PREX2: variants seen among roughly 807,000 people sequenced by gnomAD.
PREX2 encodes the protein phosphatidylinositol 3,4,5-trisphosphate-dependent Rac exchanger 2 protein.
In PREX2, 107 loss-of-function variants were observed where a neutral mutation model predicts 203.2. The ratio of observed to expected loss-of-function variants is 0.53; its 90% CI spans 0.45 to 0.62. PREX2 has a LOEUF of 0.62. Ranked by LOEUF, PREX2 falls within the 20% of genes least tolerant of loss-of-function variation. The pLI is 0.00. For missense variants in PREX2, 1,777 were observed against 1,955.9 expected, an observed-to-expected ratio of 0.91 and a Z score of 1.72; for synonymous variants, 672 against 663.6, an observed-to-expected ratio of 1.01 and a Z score of -0.19.
chr8:68,067,888 C>T (rs755497690), intron 11 of PREX2, among the ~76,000 whole-genome samples: 37 of 152,106 alleles, frequency 2.4e-4, no homozygotes, highest in Admixed American at 1.8e-3. Flanking sequence ...TGCATTTTGT[C>T]TATGCCAAAT....
chr8:68,182,524 A>G (rs747890815), intron 35 of PREX2, among the ~76,000 whole-genome samples: 9 of 152,262 alleles, frequency 5.9e-5, no homozygotes, highest in Non-Finnish European at 1.2e-4. Context: ...CTGCATATAA[A>G]GAATCCTCTT....
rs963216538 is a variant in PREX2, at chr8:68,236,113, C to T, written c.*4735C>T. ...GTTGTTCAATGTATTGAATGAATGTCTTACTGTAAGCATCAGAGCTGTCCA... is the reference window on the plus strand; with the variant it reads ...GTTGTTCAATGTATTGAATGAATGTTTTACTGTAAGCATCAGAGCTGTCCA... On this transcript the variant is annotated 3_prime_UTR_variant, in exon 40 of 40. Transcript: ENST00000288368. 6 of 152,052 alleles carry T rather than the reference C, an allele frequency of 3.9e-5. No homozygotes were observed. The highest frequency in any genetic ancestry group is 1.5e-5 in the Non-Finnish European group (1 of 68,006). The allele number at this position is 152,052 out of a possible 1,614,324, so 9.4% of individuals were successfully genotyped here.
intron 33 of PREX2, among the ~76,000 whole-genome samples, chr8:68,144,106 C>CCT (rs1179146951): frequency 6.6e-6 from 1 of 152,056 alleles, no homozygotes; most frequent in African/African-American, 2.4e-5. Flanking sequence ...TATAGTAAGT[C>CCT]TTAAATTAAA....
At chr8:68,222,476 C>T in intron 38 of PREX2, among the ~76,000 whole-genome samples, 1 of 150,932 alleles carries the variant, frequency 6.6e-6, no homozygotes, top group African/African-American at 2.4e-5. Flanking sequence ...GATTATAGCT[C>T]ATGGAATAAA....
intron 31 of PREX2, among the ~76,000 whole-genome samples, chr8:68,131,233 C>T (rs934419090): frequency 6.6e-5 from 10 of 152,176 alleles, no homozygotes; most frequent in African/African-American, 2.2e-4. Context: ...GGGGATAGGT[C>T]ACAAGGTCCC....
intron 35 of PREX2, among the ~76,000 whole-genome samples, chr8:68,187,903 A>C (rs1347049387): frequency 6.6e-6 from 1 of 152,226 alleles, no homozygotes; most frequent in Non-Finnish European, 1.5e-5. Flanking sequence ...GGAGGTGGAC[A>C]GAGGGGGCTG....
At chr8:67,977,204 G>C (rs13280118) in intron 1 of PREX2, among the ~76,000 whole-genome samples, 152,279 of 152,306 alleles carry the variant, frequency 1, 76,127 homozygotes, top group Non-Finnish European at 1. Context: ...CTCTCTCCCC[G>C]TCTTTCATTT....
chr8:68,075,685 C>A (rs1313073730), intron 14 of PREX2, among the ~76,000 whole-genome samples: 2 of 152,154 alleles, frequency 1.3e-5, no homozygotes, highest in East Asian at 3.9e-4. Flanking sequence ...TTTTTTCTAT[C>A]ACTTGGCACA....
At chr8:68,123,959 C>T (rs745804261) in intron 30 of PREX2, among the ~76,000 whole-genome samples, 16 of 151,984 alleles carry the variant, frequency 1.1e-4, no homozygotes, top group Non-Finnish European at 1.6e-4. Context: ...AGAGATACAA[C>T]AACAAAAAGA....
chr8:68,005,218 C>T (rs138115776), intron 1 of PREX2, among the ~76,000 whole-genome samples: 16 of 152,230 alleles, frequency 1.1e-4, no homozygotes, highest in African/African-American at 1.7e-4. Context: ...TTCTCTCTTC[C>T]GCTCACAATT....
intron 1 of PREX2, among the ~76,000 whole-genome samples, chr8:67,962,801 T>C (rs999133170): frequency 2.0e-5 from 3 of 151,694 alleles, no homozygotes; most frequent in Non-Finnish European, 4.4e-5. Context: ...GGAGATGGGG[T>C]TTCACCACGT....
At chr8:68,101,277 A>G in intron 23 of PREX2, 1 of 500,122 alleles carries the variant, frequency 2.0e-6, no homozygotes, top group Non-Finnish European at 4.0e-6. Context: ...GACTCACAAC[A>G]TTGGTTACCT....
intron 1 of PREX2, among the ~76,000 whole-genome samples, chr8:67,994,741 C>A (rs1430546576): frequency 6.6e-6 from 1 of 152,114 alleles, no homozygotes; most frequent in African/African-American, 2.4e-5. Context: ...CAACAACCAG[C>A]TTTCCTGACT....
chr8:68,100,665 G>A (rs1366985771), intron 23 of PREX2, among the ~76,000 whole-genome samples: 1 of 152,222 alleles, frequency 6.6e-6, no homozygotes, highest in Non-Finnish European at 1.5e-5. Flanking sequence ...CTTAAGGTCA[G>A]AGGCTTAGGT....
At chr8:68,000,983 A>C (rs1466275973) in intron 1 of PREX2, among the ~76,000 whole-genome samples, 1 of 152,218 alleles carries the variant, frequency 6.6e-6, no homozygotes, top group African/African-American at 2.4e-5. Context: ...GTAAAATCCA[A>C]AACTGTAGAA....
chr8:68,036,736 G>A lies in PREX2; in HGVS notation c.706-1423G>A, dbSNP rs1224019498. Among the ~76,000 whole-genome samples the A allele has an allele frequency of 2.0e-5, 3 of 151,980 alleles. No homozygotes were observed. In the East Asian group the frequency reaches 5.8e-4, roughly 30 times the overall value. On this transcript the variant is annotated intron_variant, in intron 6 of 39. Transcript: ENST00000288368. ...TGAGGTGGGTGGATCACCTGAGGTCGGGAGTTTGAGACCTGCCTGACCGAC... is the reference window on the plus strand; with the variant it reads ...TGAGGTGGGTGGATCACCTGAGGTCAGGAGTTTGAGACCTGCCTGACCGAC...
At chr8:67,974,271 A>T (rs1425558397) in intron 1 of PREX2, among the ~76,000 whole-genome samples, 2 of 152,122 alleles carry the variant, frequency 1.3e-5, no homozygotes, top group Non-Finnish European at 2.9e-5. Flanking sequence ...TTAGACTAAC[A>T]AGATACAATT....
chr8:68,105,721 A>G (rs1382376555), intron 23 of PREX2: 1 of 158,650 alleles, frequency 6.3e-6, no homozygotes, highest in Non-Finnish European at 1.0e-5. Flanking sequence ...ACACATATAT[A>G]TACACACACA....
chr8:68,211,495 A>T (rs1331436437), intron 37 of PREX2, among the ~76,000 whole-genome samples: 3 of 152,206 alleles, frequency 2.0e-5, no homozygotes, highest in African/African-American at 7.2e-5. Flanking sequence ...AGGCTCCTCT[A>T]CACAGACTTA....
Sources: gnomAD v4.1 joint callset for allele counts (sites outside exome capture counted in the v4.1 genomes callset) on GRCh38, gnomAD v4.1.1 for gene constraint, MANE v1.5 for transcripts, NCBI Gene and HGNC (gene_info 2026-07-23, HGNC 2026-07-21) for gene names.